FAH: variants seen among roughly 807,000 people sequenced by gnomAD.
The protein encoded by FAH is fumarylacetoacetate hydrolase.
In FAH, 47 loss-of-function variants were observed where a neutral mutation model predicts 55.8. That is an observed-to-expected ratio of 0.84 (90% CI 0.67 to 1.07). The LOEUF (loss-of-function observed/expected upper bound fraction) is 1.07, where lower values mean the gene tolerates loss of function less well. Among genes scored for constraint, FAH ranks in the 50% least tolerant of loss-of-function variants. The pLI is 0.00. For synonymous variants in FAH, 199 were observed against 207.7 expected (o/e 0.96, Z 0.36); for missense variants, 495 against 545.9 (o/e 0.91, Z 0.93).
intron 11 of FAH, 45 bp from the exon 12 acceptor site, chr15:80,180,079 C>T (rs1218033060): frequency 6.7e-7 from 1 of 1,485,004 alleles, no homozygotes; most frequent in Admixed American, 1.7e-5. Context: ...GGATGCTAGG[C>T]TAAGCCTGCC....
At chr15:80,159,003 C>T (rs188047263) in intron 2 of FAH, among the ~76,000 whole-genome samples, 98 of 151,994 alleles carry the variant, frequency 6.4e-4, no homozygotes, top group South Asian at 1.0e-3. Context: ...TTTGGGAGGC[C>T]GATGTGGGCA....
At chr15:80,184,858 A>G (rs753239795) in intron 13 of FAH, among the ~76,000 whole-genome samples, 1 of 150,358 alleles carries the variant, frequency 6.7e-6, no homozygotes, top group Non-Finnish European at 1.5e-5. Flanking sequence ...TCCCTAATGA[A>G]CTCCTAGCTA....
chr15:80,175,020 C>G lies in FAH; in HGVS notation c.842C>G (p.Pro281Arg). 2 of 1,614,104 alleles carry G rather than the reference C, an allele frequency of 1.2e-6. No homozygotes were observed. Among genetic ancestry groups the G allele is most frequent in the South Asian group, 2.2e-5 (2 of 91,088 alleles). Residue 281 changes from proline to arginine, a missense_variant, in exon 10 of 14, where the codon CCC becomes CGC. Pro to Arg is a moderately radical substitution (Grantham distance 103). Transcript: ENST00000561421. ...TGCTGTGCTTTGCCCTCTCAGGACC[C>G]CAGGCCCCTGCCGTATCTGTGCCAT... ...PFAVPNPKQD[P>R]RPLPYLCHDE...
chr15:80,162,301 GT>G lies in FAH; in HGVS notation c.422del (p.Phe141SerfsTer8). On this transcript the variant is annotated frameshift_variant, in exon 5 of 14. Coordinates refer to ENST00000561421, the MANE Select transcript of FAH (RefSeq NM_000137.4). LOFTEE classifies it high-confidence loss of function. ...RQHATNVGIMFRDKENALMPN... is the reference protein window; with the variant it reads ...RQHATNVGIMXRDKENALMPN... ...AGCATGCTACCAACGTCGGAATCAT[GT>G]TCAGGGACAAGGAGAATGCGTTGAT... 6.2e-7 allele frequency: 1 copy of G among 1,614,252 alleles called. No individual in the cohort carries two copies. Among genetic ancestry groups the G allele is most frequent in the South Asian group, 1.1e-5 (1 of 91,080 alleles).
intron 1 of FAH, chr15:80,157,423 G>A (rs533610054): frequency 6.3e-6 from 1 of 159,594 alleles, no homozygotes; most frequent in Admixed American, 5.8e-5. Context: ...AAAGCTCAGG[G>A]TTGTGGGGAC....
downstream of FAH, chr15:80,186,466 C>A (rs2041372404): frequency 3.4e-5 from 18 of 535,406 alleles, no homozygotes; most frequent in South Asian, 3.8e-4. Flanking sequence ...GGTCAGGGGT[C>A]TTTGTGGGAT....
At chr15:80,173,589 GTC>G in intron 9 of FAH, 2 of 340,648 alleles carry the variant, frequency 5.9e-6, no homozygotes, top group Non-Finnish European at 1.2e-5. Context: ...GCACCGCTTG[GTC>G]TACCACTGGG....
chr15:80,153,281 G>C, intron 1 of FAH, 146 bp downstream of exon 1: 1 of 710,764 alleles, frequency 1.4e-6, no homozygotes, highest in South Asian at 1.6e-5. Flanking sequence ...TTCCGTGAGA[G>C]TGCCTATGGG....
intron 1 of FAH, 65 bp from the exon 2 acceptor site, chr15:80,157,995 T>G (rs895850924): frequency 3.3e-6 from 4 of 1,207,334 alleles, no homozygotes; most frequent in Non-Finnish European, 4.9e-6. Flanking sequence ...ATAGGCTTTC[T>G]GAGTAAATGA....
At chr15:80,180,527 C>T (rs954724671) in intron 12 of FAH, among the ~76,000 whole-genome samples, 1 of 152,192 alleles carries the variant, frequency 6.6e-6, no homozygotes, top group African/African-American at 2.4e-5. Context: ...CACCATCTCA[C>T]ACTACACCCT....
intron 5 of FAH, among the ~76,000 whole-genome samples, chr15:80,165,669 T>C (rs1002301277): frequency 6.0e-5 from 9 of 150,570 alleles, no homozygotes; most frequent in Non-Finnish European, 1.0e-4. Context: ...CACTCCAGCC[T>C]GGGCGACAGA....
In FAH at chr15:80,180,215, T is replaced by A. The variant is rs1415854750; in HGVS notation, c.1052T>A (p.Ile351Asn). The part of the protein sequence containing the change: ...RPGDLLASGT[I>N]SGPEPENFGS... ...GGGGACCTCCTGGCTTCTGGGACCA[T>A]CAGCGGGCCGGTGAGTATCTGGCTG... Residue 351 changes from isoleucine to asparagine, a missense_variant, in exon 12 of 14, where the codon ATC becomes AAC. By Grantham distance (149) the Ile-to-Asn change is moderately radical. Coordinates refer to ENST00000561421, the MANE Select transcript of FAH (RefSeq NM_000137.4). 1 of 1,606,832 alleles carries A rather than the reference T, an allele frequency of 6.2e-7. No homozygotes were observed. The highest frequency in any genetic ancestry group is 1.1e-5 in the South Asian group (1 of 91,080).
intron 5 of FAH, among the ~76,000 whole-genome samples, chr15:80,164,720 A>C (rs2041177434): frequency 6.6e-6 from 1 of 152,188 alleles, no homozygotes; most frequent in Non-Finnish European, 1.5e-5. Context: ...TGTTTGAATT[A>C]TTACATGCCA....
intron 9 of FAH, among the ~76,000 whole-genome samples, chr15:80,174,261 C>G (rs1193320885): frequency 6.6e-6 from 1 of 152,166 alleles, no homozygotes; most frequent in Non-Finnish European, 1.5e-5. Context: ...TGCCTTCTTC[C>G]GGGTCGGTCA....
At chr15:80,169,335 A>G (rs764562316) in intron 7 of FAH, among the ~76,000 whole-genome samples, 3 of 151,960 alleles carry the variant, frequency 2.0e-5, no homozygotes, top group African/African-American at 4.8e-5. Context: ...GTGAGCTGAG[A>G]TCGCGCCACC....
downstream of FAH, chr15:80,186,429 A>C: frequency 8.2e-6 from 5 of 611,162 alleles, no homozygotes; most frequent in Non-Finnish European, 1.5e-5. Context: ...GATATTCATT[A>C]ATATGTTTTC....
At chr15:80,174,154 C>T (rs182870156) in intron 9 of FAH, among the ~76,000 whole-genome samples, 2 of 152,290 alleles carry the variant, frequency 1.3e-5, no homozygotes, top group Admixed American at 6.5e-5. Context: ...CATTTTCAGT[C>T]GCCAGGACTT....
chr15:80,176,585 A>G (rs1595896057), intron 10 of FAH, among the ~76,000 whole-genome samples: 1 of 152,156 alleles, frequency 6.6e-6, no homozygotes, highest in East Asian at 1.9e-4. Flanking sequence ...CAGAGAGGAA[A>G]AGGATTCACC....
At chr15:80,183,721 G>A (rs916686572) in intron 13 of FAH, among the ~76,000 whole-genome samples, 2 of 152,230 alleles carry the variant, frequency 1.3e-5, no homozygotes, top group African/African-American at 4.8e-5. Context: ...CAACGCCGCA[G>A]CACTTACTGC....
Sources: allele counts gnomAD v4.1 joint callset (sites outside exome capture counted in the v4.1 genomes callset), GRCh38; gene constraint gnomAD v4.1.1; transcripts MANE v1.5; gene names NCBI Gene and HGNC (gene_info 2026-07-23, HGNC 2026-07-21).